The following POU6F2 variants were observed in gnomAD, a reference collection of about 807,000 sequenced individuals.
POU6F2 encodes POU class 6 homeobox 2.
In POU6F2, 31 loss-of-function variants were observed where a neutral mutation model predicts 71.3. The ratio of observed to expected loss-of-function variants is 0.43; its 90% CI spans 0.33 to 0.59. The LOEUF (loss-of-function observed/expected upper bound fraction) is 0.59. Ranked by LOEUF, POU6F2 falls within the 20% of genes least tolerant of loss-of-function variation. The probability of loss-of-function intolerance (pLI) is 0.04; values close to 1 mark genes in which losing one functional copy is unlikely to be tolerated. For synonymous variants in POU6F2, 347 were observed against 355.7 expected (o/e 0.98, Z 0.27); for missense variants, 783 against 856.8 (o/e 0.91, Z 1.07).
chr7:39,137,620 G>A (rs1245026066), intron 2 of POU6F2, among the ~76,000 whole-genome samples: 1 of 152,030 alleles, frequency 6.6e-6, no homozygotes, highest in Non-Finnish European at 1.5e-5. Flanking sequence ...ATTTTAATTG[G>A]TTGTCACAAA....
chr7:39,454,669 T>G (rs1249203911), intron 8 of POU6F2, among the ~76,000 whole-genome samples: 50 of 896 alleles, frequency 0.056, 4 homozygotes, highest in African/African-American at 0.076. Context: ...TATATATATA[T>G]ATATATATAT....
chr7:39,146,063 C>T (rs1792616684), intron 2 of POU6F2, among the ~76,000 whole-genome samples: 1 of 152,180 alleles, frequency 6.6e-6, no homozygotes, highest in Non-Finnish European at 1.5e-5. Flanking sequence ...TTGCATGGAG[C>T]TTACAGTCTA....
intron 1 of POU6F2, among the ~76,000 whole-genome samples, chr7:39,057,012 AAAT>A (rs1429572120): frequency 6.6e-6 from 1 of 152,140 alleles, no homozygotes; most frequent in Non-Finnish European, 1.5e-5. Flanking sequence ...CATTGTTAAA[AAAT>A]AATGATTGTT....
At chr7:39,387,199 A>G (rs1786963698) in intron 5 of POU6F2, among the ~76,000 whole-genome samples, 1 of 152,222 alleles carries the variant, frequency 6.6e-6, no homozygotes, top group Non-Finnish European at 1.5e-5. Flanking sequence ...GACAAGACAC[A>G]CACAATCCTT....
intron 8 of POU6F2, among the ~76,000 whole-genome samples, chr7:39,454,691 TA>T (rs1788749922): frequency 4.7e-5 from 2 of 42,208 alleles, no homozygotes; most frequent in Non-Finnish European, 9.0e-5. Context: ...TATATATATA[TA>T]TATATATATA....
In POU6F2 at chr7:39,302,743, C is replaced by T. The variant is rs571442886; in HGVS notation, c.599-36899C>T. Among the ~76,000 whole-genome samples, 164 of 152,352 alleles carry T rather than the reference C, an allele frequency of 1.1e-3. No homozygotes were observed. In the South Asian group the frequency reaches 0.03, roughly 28 times the overall value. The stretch of plus-strand genomic sequence containing the variant: ...ATGCGTAACCACATCCTTTCTTCAT[C>T]GCTTGAGCATCTATCATACAACCAG... On this transcript the variant is annotated intron_variant, in intron 4 of 9. Transcript: ENST00000518318.
At chr7:39,388,759 C>G (rs1039713470) in intron 5 of POU6F2, among the ~76,000 whole-genome samples, 5 of 152,202 alleles carry the variant, frequency 3.3e-5, no homozygotes, top group Non-Finnish European at 4.4e-5. Flanking sequence ...GTGCGTCTAT[C>G]TATTCTGGTA....
At chr7:39,039,492 TA>T (rs1271291926) in intron 1 of POU6F2, among the ~76,000 whole-genome samples, 1 of 151,986 alleles carries the variant, frequency 6.6e-6, no homozygotes, top group Non-Finnish European at 1.5e-5. Context: ...AAAGAGACTA[TA>T]TTTTTTTCTT....
intron 4 of POU6F2, among the ~76,000 whole-genome samples, chr7:39,273,520 A>T (rs148045405): frequency 5.9e-5 from 9 of 152,362 alleles, no homozygotes; most frequent in African/African-American, 2.2e-4. Context: ...TTTTAAGGTC[A>T]TGAAAAACAT....
At chr7:38,980,103 T>A (rs1788279578) in intron 1 of POU6F2, among the ~76,000 whole-genome samples, 2 of 152,222 alleles carry the variant, frequency 1.3e-5, no homozygotes, top group South Asian at 2.1e-4. Context: ...AGGTTCCACA[T>A]GTCTAAGAAC....
intron 4 of POU6F2, among the ~76,000 whole-genome samples, chr7:39,269,920 G>C (rs1412958827): frequency 2.0e-5 from 3 of 152,086 alleles, no homozygotes; most frequent in African/African-American, 7.2e-5. Flanking sequence ...ACTCATCAAG[G>C]CTGGAATTTC....
At chr7:39,113,106 A>G (rs1228704084) in intron 2 of POU6F2, among the ~76,000 whole-genome samples, 3 of 152,170 alleles carry the variant, frequency 2.0e-5, no homozygotes, top group Non-Finnish European at 2.9e-5. Flanking sequence ...GAAGTATATC[A>G]TTGTCTTGAA....
At chr7:39,345,527 C>A (rs925598084) in intron 5 of POU6F2, among the ~76,000 whole-genome samples, 4 of 152,134 alleles carry the variant, frequency 2.6e-5, no homozygotes, top group African/African-American at 9.7e-5. Context: ...TCTAATAAAG[C>A]AATTATTTTT....
chr7:39,384,491 T>A (rs1350775706), intron 5 of POU6F2, among the ~76,000 whole-genome samples: 1 of 152,250 alleles, frequency 6.6e-6, no homozygotes, highest in Non-Finnish European at 1.5e-5. Flanking sequence ...TTCTTTTGTG[T>A]TTCTTTTTAA....
At chr7:39,133,282 T>A (rs1450058526) in intron 2 of POU6F2, among the ~76,000 whole-genome samples, 1 of 152,178 alleles carries the variant, frequency 6.6e-6, no homozygotes, top group East Asian at 1.9e-4. Flanking sequence ...TACGAGAATG[T>A]CCCCTTGTCA....
intron 1 of POU6F2, among the ~76,000 whole-genome samples, chr7:39,023,133 T>C (rs1452400032): frequency 6.6e-6 from 1 of 152,114 alleles, no homozygotes; most frequent in African/African-American, 2.4e-5. Context: ...TGATACTTTG[T>C]ATATCTGTGT....
intron 7 of POU6F2, among the ~76,000 whole-genome samples, chr7:39,449,369 C>A (rs1271824148): frequency 6.6e-6 from 1 of 152,106 alleles, no homozygotes; most frequent in East Asian, 1.9e-4. Context: ...CTGGAGTAGC[C>A]CCTAACTAAC....
At chr7:39,006,680 A>G (rs1224947076) in intron 1 of POU6F2, 4 of 664,716 alleles carry the variant, frequency 6.0e-6, no homozygotes, top group Non-Finnish European at 1.1e-5. Context: ...AAGTCCTGTA[A>G]AAAGCATGTG....
intron 1 of POU6F2, among the ~76,000 whole-genome samples, chr7:39,004,787 G>A (rs1789011453): frequency 1.3e-5 from 2 of 152,118 alleles, no homozygotes; most frequent in African/African-American, 4.8e-5. Flanking sequence ...CCAATTATTG[G>A]TCCACCTGCT....
Sources: allele counts gnomAD v4.1 joint callset (sites outside exome capture counted in the v4.1 genomes callset), GRCh38; gene constraint gnomAD v4.1.1; transcripts MANE v1.5; gene names NCBI Gene and HGNC (gene_info 2026-07-23, HGNC 2026-07-21).